LRRC27: variants seen among roughly 807,000 people sequenced by gnomAD.
LRRC27 encodes the protein leucine-rich repeat-containing protein 27.
A neutral mutation model predicts 55.0 loss-of-function variants in LRRC27; 57 were observed. The observed-to-expected ratio is 1.04, with a 90% CI of 0.84 to 1.29. The LOEUF (loss-of-function observed/expected upper bound fraction) is 1.29, where lower values mean the gene tolerates loss of function less well. Ranked by LOEUF, LRRC27 falls within the 50% of genes most tolerant of loss-of-function variation. The pLI is 0.00. For missense variants in LRRC27, 721 were observed against 651.5 expected, an observed-to-expected ratio of 1.11 and a Z score of -1.16; for synonymous variants, 278 against 251.9, an observed-to-expected ratio of 1.10 and a Z score of -0.98.
At chr10:132,335,589 G>C (rs1292212484) in intron 2 of LRRC27, among the ~76,000 whole-genome samples, 29 of 138,090 alleles carry the variant, frequency 2.1e-4, no homozygotes, top group Admixed American at 2.0e-3. Flanking sequence ...GGGGGTCACA[G>C]TCTTCCTGGA....
rs781731124 is a variant in LRRC27, at chr10:132,365,568, CTGTTTAAAAAAG to C, written c.1416+22_1416+33del. The C allele has an allele frequency of 6.2e-7, 1 of 1,609,904 alleles. No homozygotes were observed. The highest frequency in any genetic ancestry group is 2.2e-5 in the East Asian group (1 of 44,856). ...TGGAAATTGTAAGGATTTCTTGGTT[CTGTTTAAAAAAG>C]TGTGGGGTGTTTTTTGTTTTGTTTT... On this transcript the variant is annotated intron_variant, in intron 10 of 10. Transcript: ENST00000368614.
rs903438507 is a variant in LRRC27, at chr10:132,351,619, C to A, written c.939C>A (p.Ala313=). The A allele has an allele frequency of 1.2e-6, 2 of 1,612,920 alleles. No individual in the cohort carries two copies. Among genetic ancestry groups the A allele is most frequent in the Admixed American group, 1.7e-5 (1 of 59,556 alleles). Residue 313 remains alanine, a synonymous_variant, in exon 7 of 11, where the codon GCC becomes GCA. Coordinates refer to ENST00000368614, the MANE Select transcript of LRRC27 (RefSeq NM_030626.3). ...KPRHVFRRKT[A]SSRSILPDLL... is the part of the protein sequence containing the mutation. Reference sequence around the variant, plus strand: ...TCTGTAATTTTAGAAGGAAGACAGCCTCCTCCAGGAGCATCTTACCCGACC... The same window carrying A: ...TCTGTAATTTTAGAAGGAAGACAGCATCCTCCAGGAGCATCTTACCCGACC...
rs2069377453 is a variant in LRRC27, at chr10:132,379,070, T to C, written c.*3828T>C. 1 of 146,780 alleles carries C rather than the reference T, an allele frequency of 6.8e-6. No homozygotes were observed. Among genetic ancestry groups the C allele is most frequent in the Admixed American group, 6.8e-5 (1 of 14,640 alleles). 9.1% of individuals were successfully genotyped at this position (146,780 alleles called of 1,614,324 possible). On this transcript the variant is annotated 3_prime_UTR_variant, in exon 11 of 11. Coordinates refer to ENST00000368614, the MANE Select transcript of LRRC27 (RefSeq NM_030626.3). ...TCCCATCCTGCTCATCTCCAGCATT[T>C]CCTCTCACCTCTGTGTTCTCGGGGA...
intron 7 of LRRC27, chr10:132,352,838 G>T: frequency 6.2e-7 from 1 of 1,606,374 alleles, no homozygotes. Flanking sequence ...CACGACACCT[G>T]CCTGCTTTCT....
chr10:132,364,497 C>CCACACTTACACCCACA lies in LRRC27; in HGVS notation c.1290-926_1290-925insACACTTACACCCACAC, dbSNP rs1564853743. Reference sequence around the variant, plus strand: ...TACACCCACCCACACTTACACCCACCCTTACATCTACCTCCACACTCGCAC... The same window carrying CCACACTTACACCCACA: ...TACACCCACCCACACTTACACCCACCCACACTTACACCCACACTTACATCTACCTCCACACTCGCAC... On this transcript the variant is annotated intron_variant, in intron 9 of 10. Coordinates refer to ENST00000368614, the MANE Select transcript of LRRC27 (RefSeq NM_030626.3). Among the ~76,000 whole-genome samples, 6 of 16,164 alleles carry CCACACTTACACCCACA rather than the reference C, an allele frequency of 3.7e-4. 1 individual carries two copies. Among genetic ancestry groups the CCACACTTACACCCACA allele is most frequent in the African/African-American group, 7.1e-4 (4 of 5,670 alleles). 10.6% of individuals were successfully genotyped at this position (16,164 alleles called of 152,430 possible). A position where few individuals can be genotyped will look rare whatever the true frequency, so the allele number is the denominator to read the frequency against.
Position 132,364,418 on chromosome 10 carries a change from C to A in LRRC27, c.1290-1006C>A, listed in dbSNP as rs548554932. ...CCTTACATCTACCTCCACACCCGCG[C>A]TTACACCCACGCTTACATCTACCTC... On this transcript the variant is annotated intron_variant, in intron 9 of 10. Transcript: ENST00000368614. Among the ~76,000 whole-genome samples, 387 of 127,440 alleles carry A rather than the reference C, an allele frequency of 3.0e-3. 13 individuals carry two copies. The highest frequency in any genetic ancestry group is 9.0e-3 in the South Asian group (39 of 4,334). The allele number at this position is 127,440 out of a possible 152,430, so 83.6% of individuals were successfully genotyped here.
chr10:132,344,382 C>A lies in LRRC27; in HGVS notation c.401-116C>A, dbSNP rs143542792. ...TGACATCTGTTAACGTGATTTTCCC[C>A]CAAATACTGAATAGAATCATATTTT... is the stretch of plus-strand genomic sequence containing the variant. On this transcript the variant is annotated intron_variant, in intron 4 of 10. Coordinates refer to ENST00000368614, the MANE Select transcript of LRRC27 (RefSeq NM_030626.3). 1.1e-4 allele frequency: 119 copies of A among 1,133,080 alleles called. No homozygotes were observed. In the East Asian group the frequency reaches 2.9e-3, roughly 27 times the overall value. The allele number at this position is 1,133,080 out of a possible 1,614,324, so 70.2% of individuals were successfully genotyped here.
chr10:132,379,286 C>A lies in LRRC27; in HGVS notation c.*4044C>A. 6.7e-6 allele frequency: 1 copy of A among 149,654 alleles called. No homozygotes were observed. The highest frequency in any genetic ancestry group is 1.5e-5 in the Non-Finnish European group (1 of 68,178). The allele number at this position is 149,654 out of a possible 1,614,324, so 9.3% of individuals were successfully genotyped here. The stretch of plus-strand genomic sequence containing the variant: ...CAGAGTTTCCTCTCACCTCCGTGTT[C>A]TCAGGGAGTGCGTGGTCTTGGATGC... On this transcript the variant is annotated 3_prime_UTR_variant, in exon 11 of 11. Coordinates refer to ENST00000368614, the MANE Select transcript of LRRC27 (RefSeq NM_030626.3).
At chr10:132,364,641 C>G in intron 9 of LRRC27, among the ~76,000 whole-genome samples, 1 of 77,654 alleles carries the variant, frequency 1.3e-5, no homozygotes, top group African/African-American at 6.4e-5. Context: ...CCACACTTAA[C>G]ACCCACCCAC....
chr10:132,364,683 C>CCCACACTTACATCTACCT (rs2068934809), intron 9 of LRRC27, among the ~76,000 whole-genome samples: 1 of 118,104 alleles, frequency 8.5e-6, no homozygotes, highest in Admixed American at 8.5e-5. Context: ...CACGCTTACA[C>CCCACACTTACATCTACCT]CCACGTCCAC....
intron 8 of LRRC27, among the ~76,000 whole-genome samples, chr10:132,360,999 C>T (rs1452485457): frequency 6.6e-6 from 1 of 152,226 alleles, no homozygotes; most frequent in Non-Finnish European, 1.5e-5. Context: ...CTCCTCCTGC[C>T]TAGGTTGCAC....
intron 5 of LRRC27, among the ~76,000 whole-genome samples, chr10:132,346,536 C>T (rs2497643): frequency 0.37 from 55,473 of 151,928 alleles, 10,321 homozygotes; most frequent in Non-Finnish European, 0.4. Context: ...ATTAGTTGGG[C>T]GTGGTCGTGG....
Position 132,361,518 on chromosome 10 carries a change from C to T in LRRC27, c.1232C>T (p.Pro411Leu), listed in dbSNP as rs139048900. The change falls in exon 9 of 11, where the codon CCG becomes CTG. Residue 411 changes from proline (P) to leucine (L), a missense_variant. Pro to Leu is a moderately conservative substitution (Grantham distance 98). Transcript: ENST00000368614. ...GATAACAGGAAAGTACCACTGAATCCGCCTGGAAAAATGAAACCAAGCAAA... is the reference window on the plus strand; with the variant it reads ...GATAACAGGAAAGTACCACTGAATCTGCCTGGAAAAATGAAACCAAGCAAA... Reference protein sequence around the residue: ...LIDNRKVPLNPPGKMKPSKEK... With the variant: ...LIDNRKVPLNLPGKMKPSKEK... The T allele has an allele frequency of 9.0e-5, 145 of 1,613,770 alleles. No individual in the cohort carries two copies. The highest frequency in any genetic ancestry group is 1.1e-4 in the Non-Finnish European group (130 of 1,179,992).
At position 132,364,519 on chromosome 10, in the gene LRRC27, G is replaced by GCGCTTACACCCACCCA. The variant is rs1564853892; in HGVS notation, c.1290-904_1290-903insGCTTACACCCACCCAC. On this transcript the variant is annotated intron_variant, in intron 9 of 10. Coordinates refer to ENST00000368614, the MANE Select transcript of LRRC27 (RefSeq NM_030626.3). ...CACCCTTACATCTACCTCCACACTCGCACTTACACCCACACTTAAATCTAC... is the reference window on the plus strand; with the variant it reads ...CACCCTTACATCTACCTCCACACTCGCGCTTACACCCACCCACACTTACACCCACACTTAAATCTAC... 2.6e-4 allele frequency among the ~76,000 whole-genome samples: 2 copies of GCGCTTACACCCACCCA among 7,778 alleles called. 1 individual carries two copies. 5.1% of individuals were successfully genotyped at this position (7,778 alleles called of 152,430 possible).
At chr10:132,346,784 G>T (rs1015335278) in intron 5 of LRRC27, among the ~76,000 whole-genome samples, 5 of 152,078 alleles carry the variant, frequency 3.3e-5, no homozygotes, top group African/African-American at 1.2e-4. Flanking sequence ...AGGCAGATTG[G>T]TCAAATATGC....
At position 132,380,425 on chromosome 10, in the gene LRRC27, G is replaced by A. The variant is rs992249473; in HGVS notation, c.*5183G>A. ...GTGAGCGCAAGCATGTCAAGGATCC[G>A]CTTAAAACATCGTGTGGTGCTAATC... On this transcript the variant is annotated 3_prime_UTR_variant, in exon 11 of 11. Transcript: ENST00000368614. 2.0e-5 allele frequency among the ~76,000 whole-genome samples: 3 copies of A among 152,276 alleles called. No homozygotes were observed. Among genetic ancestry groups the A allele is most frequent in the East Asian group, 1.9e-4 (1 of 5,190 alleles).
At chr10:132,373,318 C>T (rs191415296) in intron 10 of LRRC27, among the ~76,000 whole-genome samples, 27 of 152,210 alleles carry the variant, frequency 1.8e-4, no homozygotes, top group Non-Finnish European at 3.7e-4. Context: ...GCAGGAGAGA[C>T]GAGAGCAGAC....
intron 7 of LRRC27, chr10:132,353,368 C>A: frequency 9.3e-7 from 1 of 1,073,770 alleles, no homozygotes; most frequent in Non-Finnish European, 1.1e-6. Context: ...CTGCTCCCTC[C>A]CCAACATGAA....
chr10:132,368,064 T>C (rs981940642), intron 10 of LRRC27, among the ~76,000 whole-genome samples: 8 of 152,192 alleles, frequency 5.3e-5, no homozygotes, highest in Non-Finnish European at 1.2e-4. Flanking sequence ...GTACCAGCAA[T>C]TAACTAGTGG....
Sources: gnomAD v4.1 joint callset for allele counts (sites outside exome capture counted in the v4.1 genomes callset) on GRCh38, gnomAD v4.1.1 for gene constraint, MANE v1.5 for transcripts, NCBI Gene and HGNC (gene_info 2026-07-23, HGNC 2026-07-21) for gene names.